LRRTM4: variants seen among roughly 807,000 people sequenced by gnomAD.
The protein encoded by LRRTM4 is leucine rich repeat transmembrane neuronal 4, also known as leucine-rich repeat transmembrane neuronal protein 4.
LRRTM4 carries 25 observed loss-of-function variants against 47.6 expected under a neutral mutation model. That is an observed-to-expected ratio of 0.53 (90% CI 0.38 to 0.73). LRRTM4 has a LOEUF of 0.73. Ranked by LOEUF, LRRTM4 falls within the 30% of genes least tolerant of loss-of-function variation. The pLI, the probability that LRRTM4 is intolerant of heterozygous loss-of-function variation, is 0.00. For missense variants in LRRTM4, 638 were observed against 713.4 expected, an observed-to-expected ratio of 0.89 and a Z score of 1.20; for synonymous variants, 311 against 269.5, an observed-to-expected ratio of 1.15 and a Z score of -1.51.
intron 3 of LRRTM4, among the ~76,000 whole-genome samples, chr2:77,091,651 C>T (rs1261495193): frequency 2.7e-5 from 4 of 148,474 alleles, no homozygotes; most frequent in Non-Finnish European, 5.9e-5. Flanking sequence ...TCCTTTGCAC[C>T]CTTAATCCCA....
At chr2:76,970,270 A>G (rs1305341282) in intron 3 of LRRTM4, among the ~76,000 whole-genome samples, 1 of 152,010 alleles carries the variant, frequency 6.6e-6, no homozygotes, top group Non-Finnish European at 1.5e-5. Flanking sequence ...ATAACGAAGT[A>G]CATCATGCTG....
intron 3 of LRRTM4, among the ~76,000 whole-genome samples, chr2:76,817,116 C>A (rs546135333): frequency 2.4e-4 from 37 of 151,770 alleles, no homozygotes; most frequent in African/African-American, 8.2e-4. Flanking sequence ...CTGAAGAATG[C>A]ATGGATTCAA....
chr2:76,983,374 C>A (rs1331926235), intron 3 of LRRTM4, among the ~76,000 whole-genome samples: 1 of 152,124 alleles, frequency 6.6e-6, no homozygotes, highest in South Asian at 2.1e-4. Context: ...AAGGGTGGGG[C>A]CAGCCACAGC....
intron 3 of LRRTM4, among the ~76,000 whole-genome samples, chr2:76,859,755 T>G (rs758109131): frequency 1.3e-5 from 2 of 152,184 alleles, no homozygotes; most frequent in Non-Finnish European, 2.9e-5. Context: ...AGAAATCTTT[T>G]GTTATGTATT....
intron 3 of LRRTM4, among the ~76,000 whole-genome samples, chr2:77,094,077 C>G (rs77676060): frequency 0.014 from 2,169 of 152,214 alleles, 53 homozygotes; most frequent in African/African-American, 0.049. Context: ...ACCCTAACAA[C>G]TTCACAGAAA....
chr2:77,260,270 T>C (rs1025285305), intron 3 of LRRTM4, among the ~76,000 whole-genome samples: 1 of 151,982 alleles, frequency 6.6e-6, no homozygotes, highest in Non-Finnish European at 1.5e-5. Context: ...ACAGAAAATA[T>C]GAACGAGTAA....
At chr2:77,101,615 A>C (rs1295182333) in intron 3 of LRRTM4, among the ~76,000 whole-genome samples, 1 of 152,194 alleles carries the variant, frequency 6.6e-6, no homozygotes, top group Non-Finnish European at 1.5e-5. Context: ...ATTGCCTGGC[A>C]GTCCAAAGCC....
At chr2:77,444,213 T>C (rs994104093) in intron 3 of LRRTM4, among the ~76,000 whole-genome samples, 2 of 152,060 alleles carry the variant, frequency 1.3e-5, no homozygotes, top group African/African-American at 4.8e-5. Context: ...TATACCTAGG[T>C]GGTCATGGAT....
At chr2:77,064,879 C>T (rs997775324) in intron 3 of LRRTM4, among the ~76,000 whole-genome samples, 1 of 152,116 alleles carries the variant, frequency 6.6e-6, no homozygotes, top group African/African-American at 2.4e-5. Context: ...CTACCCTTGA[C>T]TTAACCTACC....
At chr2:77,253,925 A>T (rs776116946) in intron 3 of LRRTM4, among the ~76,000 whole-genome samples, 16 of 152,074 alleles carry the variant, frequency 1.1e-4, no homozygotes, top group Non-Finnish European at 2.2e-4. Flanking sequence ...GAAAATAGAG[A>T]AGAGTTGAAA....
intron 3 of LRRTM4, among the ~76,000 whole-genome samples, chr2:76,889,651 T>A (rs1229901313): frequency 6.6e-6 from 1 of 151,968 alleles, no homozygotes; most frequent in African/African-American, 2.4e-5. Flanking sequence ...ATGATCCAAT[T>A]AGCAAGAAGA....
intron 3 of LRRTM4, among the ~76,000 whole-genome samples, chr2:76,784,291 T>C (rs573109175): frequency 6.6e-6 from 1 of 152,042 alleles, no homozygotes; most frequent in Non-Finnish European, 1.5e-5. Flanking sequence ...ATCCTATGCA[T>C]ACTTTGAAAA....
intron 3 of LRRTM4, among the ~76,000 whole-genome samples, chr2:77,167,533 C>A (rs529879758): frequency 6.6e-6 from 1 of 152,202 alleles, no homozygotes; most frequent in African/African-American, 2.4e-5. Context: ...TTCACAATAG[C>A]AAAGACTTGG....
At chr2:77,235,254 G>A (rs1675074921) in intron 3 of LRRTM4, among the ~76,000 whole-genome samples, 1 of 152,220 alleles carries the variant, frequency 6.6e-6, no homozygotes, top group Non-Finnish European at 1.5e-5. Context: ...GTTTGGGATT[G>A]TAGTTTTAAT....
intron 3 of LRRTM4, among the ~76,000 whole-genome samples, chr2:77,501,245 AAG>A: frequency 6.6e-6 from 1 of 150,938 alleles, no homozygotes; most frequent in Non-Finnish European, 1.5e-5. Context: ...TAGATTAACT[AAG>A]CAGTATGCCA....
At chr2:77,226,006 A>C (rs1465430599) in intron 3 of LRRTM4, among the ~76,000 whole-genome samples, 2 of 151,842 alleles carry the variant, frequency 1.3e-5, no homozygotes, top group Non-Finnish European at 2.9e-5. Context: ...AAATGTGTAC[A>C]TGTTTTATTT....
At chr2:77,354,875 C>T (rs573859894) in intron 3 of LRRTM4, among the ~76,000 whole-genome samples, 18 of 152,138 alleles carry the variant, frequency 1.2e-4, no homozygotes, top group Admixed American at 1.0e-3. Context: ...CTGGGTGGTA[C>T]ACAAAGCCCA....
chr2:76,807,390 A>ATATATATATGTATATACG (rs1265101809), intron 3 of LRRTM4, among the ~76,000 whole-genome samples: 1 of 127,560 alleles, frequency 7.8e-6, no homozygotes, highest in Non-Finnish European at 1.5e-5. Flanking sequence ...TTTTATATAT[A>ATATATATATGTATATACG]TATATATATG....
At chr2:77,496,521 T>C (rs1184859319) in intron 3 of LRRTM4, among the ~76,000 whole-genome samples, 1 of 151,848 alleles carries the variant, frequency 6.6e-6, no homozygotes, top group Non-Finnish European at 1.5e-5. Context: ...TTTTGCTGAA[T>C]TATTATTAGA....
Sources: gnomAD v4.1 joint callset for allele counts (sites outside exome capture counted in the v4.1 genomes callset) on GRCh38, gnomAD v4.1.1 for gene constraint, MANE v1.5 for transcripts, NCBI Gene and HGNC (gene_info 2026-07-23, HGNC 2026-07-21) for gene names.